The following XRCC6 variants were observed in gnomAD, a reference collection of about 807,000 sequenced individuals.
XRCC6 encodes DNA repair protein Ku70.
Under a neutral mutation model 65.7 loss-of-function variants are expected in XRCC6, and 5 were observed. That is an observed-to-expected ratio of 0.08 (90% confidence interval 0.04 to 0.16). The LOEUF (loss-of-function observed/expected upper bound fraction) is 0.16, where lower values mean the gene tolerates loss of function less well. Ranked by LOEUF, XRCC6 falls within the 10% of genes least tolerant of loss-of-function variation. The pLI, the probability that XRCC6 is intolerant of heterozygous loss-of-function variation, is 1.00. For missense variants in XRCC6, 447 were observed against 738.1 expected (o/e 0.61, Z 4.57); for synonymous variants, 270 against 270.6 (o/e 1.00, Z 0.02).
At chr22:41,661,236 T>G (rs1407130606) in intron 11 of XRCC6, 95 bp from the exon 12 acceptor site, 1 of 1,026,208 alleles carries the variant, frequency 9.7e-7, no homozygotes. Context: ...AGCAGTTAGG[T>G]GCTCTCTCTT....
At chr22:41,658,500 C>CAGCTT (rs2068066851) in intron 11 of XRCC6, 148 bp downstream of exon 11, 2 of 729,218 alleles carry the variant, frequency 2.7e-6, no homozygotes, top group East Asian at 5.5e-5. Flanking sequence ...TTTTCCAGAC[C>CAGCTT]AGCTTAAACA....
Position 41,657,017 on chromosome 22 carries a change from T to C in XRCC6, c.1406T>C (p.Leu469Pro). 4 of 1,591,902 alleles carry C rather than the reference T, an allele frequency of 2.5e-6. No homozygotes were observed. The highest frequency in any genetic ancestry group is 3.4e-6 in the Non-Finnish European group (4 of 1,173,296). The change falls in exon 10 of 13, where the codon CTT becomes CCT. Residue 469 changes from leucine (L) to proline (P), a missense_variant. Transcript: ENST00000360079. ...AAGATGAAGGCTATCGTTGAGAAGCTTCGCTTCACATACAGGTGAGTCAAT... is the reference window on the plus strand; with the variant it reads ...AAGATGAAGGCTATCGTTGAGAAGCCTCGCTTCACATACAGGTGAGTCAAT... ...VGKMKAIVEKLRFTYRSDSFE... is the reference protein window; with the variant it reads ...VGKMKAIVEKPRFTYRSDSFE...
At chr22:41,648,019 T>TCCCCCCTC (rs1555906534) in intron 7 of XRCC6, 1 of 41,064 alleles carries the variant, frequency 2.4e-5, no homozygotes. Context: ...TCTCTCCGAC[T>TCCCCCCTC]CCCTCCCCTC....
At chr22:41,631,548 G>A (rs1285886515) in intron 3 of XRCC6, among the ~76,000 whole-genome samples, 7 of 131,818 alleles carry the variant, frequency 5.3e-5, no homozygotes, top group South Asian at 5.0e-4. Context: ...GGGCAAAGGC[G>A]CTCCCCACAT....
chr22:41,630,285 C>G (rs1461303359), intron 3 of XRCC6, among the ~76,000 whole-genome samples: 2 of 144,864 alleles, frequency 1.4e-5, no homozygotes, highest in Non-Finnish European at 3.0e-5. Flanking sequence ...CCCGGCCTTG[C>G]TTTTTTTTTT....
intron 6 of XRCC6, 22 bp from the exon 7 acceptor site, chr22:41,646,874 C>G (rs756653687): frequency 5.1e-6 from 8 of 1,569,114 alleles, no homozygotes; most frequent in South Asian, 1.2e-5. Context: ...AGTTCATGCT[C>G]TTTCATTTTT....
intron 6 of XRCC6, among the ~76,000 whole-genome samples, chr22:41,643,370 C>G (rs1159486590): frequency 6.6e-6 from 1 of 151,974 alleles, no homozygotes; most frequent in African/African-American, 2.4e-5. Context: ...GATCACACCA[C>G]TGCACTCCAG....
intron 2 of XRCC6, among the ~76,000 whole-genome samples, chr22:41,624,854 A>T (rs1172848852): frequency 6.6e-6 from 1 of 150,720 alleles, no homozygotes; most frequent in East Asian, 1.9e-4. Flanking sequence ...AAAAATAGCC[A>T]GGCGTGGTGG....
rs2068121629 is a variant in XRCC6, at chr22:41,663,737, C to T, written c.1752C>T (p.Ala584=). 1.2e-6 allele frequency: 2 copies of T among 1,613,988 alleles called. No homozygotes were observed. Among genetic ancestry groups the T allele is most frequent in the South Asian group, 1.1e-5 (1 of 91,082 alleles). Residue 584 remains alanine, a synonymous_variant, in exon 13 of 13, where the codon GCC becomes GCT. Coordinates refer to ENST00000360079, the MANE Select transcript of XRCC6 (RefSeq NM_001469.5). The part of the protein sequence containing the change: ...GKFTVPMLKE[A]CRAYGLKSGL... ...TCACTGTGCCCATGCTGAAAGAGGCCTGCCGGGCTTACGGGCTGAAGAGTG... is the reference window on the plus strand; with the variant it reads ...TCACTGTGCCCATGCTGAAAGAGGCTTGCCGGGCTTACGGGCTGAAGAGTG...
chr22:41,658,999 A>G (rs1294239630), intron 11 of XRCC6, among the ~76,000 whole-genome samples: 3 of 152,218 alleles, frequency 2.0e-5, no homozygotes, highest in African/African-American at 4.8e-5. Context: ...TTGGGTTTAG[A>G]ATCCAGCGAC....
chr22:41,628,029 A>G, intron 2 of XRCC6, 89 bp from the exon 3 acceptor site: 1 of 832,352 alleles, frequency 1.2e-6, no homozygotes, highest in African/African-American at 1.7e-5. Flanking sequence ...TTATTAGGTT[A>G]TACTTTCCTT....
At chr22:41,626,621 A>ATGTT (rs1333240752) in intron 2 of XRCC6, among the ~76,000 whole-genome samples, 5 of 144,678 alleles carry the variant, frequency 3.5e-5, no homozygotes, top group South Asian at 2.2e-4. Flanking sequence ...CACCTGGCTA[A>ATGTT]TGTTTGTTTG....
At chr22:41,624,983 C>G (rs113179256) in intron 2 of XRCC6, among the ~76,000 whole-genome samples, 23 of 151,634 alleles carry the variant, frequency 1.5e-4, no homozygotes, top group Non-Finnish European at 4.4e-5. Context: ...GGCGACAGAG[C>G]GAGACTCCGT....
chr22:41,648,954 A>G (rs1326595622), intron 7 of XRCC6, among the ~76,000 whole-genome samples: 1 of 149,836 alleles, frequency 6.7e-6, no homozygotes, highest in Non-Finnish European at 1.5e-5. Context: ...CATATCCAGG[A>G]TAAAATACAA....
chr22:41,625,318 C>G (rs1050061298), intron 2 of XRCC6, among the ~76,000 whole-genome samples: 1 of 152,094 alleles, frequency 6.6e-6, no homozygotes, highest in Non-Finnish European at 1.5e-5. Context: ...CAGGAGACAG[C>G]TAATTAAACT....
chr22:41,659,096 G>A (rs993065699), intron 11 of XRCC6, among the ~76,000 whole-genome samples: 2 of 152,058 alleles, frequency 1.3e-5, no homozygotes, highest in Non-Finnish European at 2.9e-5. Context: ...GTCCCCGCCC[G>A]GCTAATTTTT....
At chr22:41,623,929 G>T (rs1367782434) in intron 2 of XRCC6, among the ~76,000 whole-genome samples, 1 of 151,770 alleles carries the variant, frequency 6.6e-6, no homozygotes. Context: ...CACCATGTTG[G>T]CCAGGCTGGT....
intron 3 of XRCC6, among the ~76,000 whole-genome samples, chr22:41,628,541 GGAA>G (rs1390692680): frequency 6.6e-6 from 1 of 152,148 alleles, no homozygotes; most frequent in Non-Finnish European, 1.5e-5. Flanking sequence ...GAAGTATAAA[GGAA>G]GAAGGGAAGT....
rs755809591 is a variant in XRCC6, at chr22:41,637,794, G to A, written c.773+3G>A. On this transcript the variant is annotated splice_donor_region_variant and intron_variant, in intron 6 of 12. Transcript: ENST00000360079. The stretch of plus-strand genomic sequence containing the variant: ...ACCAGGAAGCGAGCACTCAGCAGGT[G>A]TGCACTCAGCCCGGGTCAGCTGCCT... The A allele has an allele frequency of 6.2e-7, 1 of 1,613,256 alleles. No homozygotes were observed. The highest frequency in any genetic ancestry group is 1.1e-5 in the South Asian group (1 of 90,992).
Sources: gnomAD v4.1 joint callset for allele counts (sites outside exome capture counted in the v4.1 genomes callset) on GRCh38, gnomAD v4.1.1 for gene constraint, MANE v1.5 for transcripts, NCBI Gene and HGNC (gene_info 2026-07-23, HGNC 2026-07-21) for gene names.